The following RNF216 variants were observed in gnomAD, a reference collection of about 807,000 sequenced individuals.
RNF216 encodes ring finger protein 216.
In RNF216, 72 loss-of-function variants were observed where a neutral mutation model predicts 110.8. The ratio of observed to expected loss-of-function variants is 0.65; its 90% CI spans 0.54 to 0.79. RNF216 has a LOEUF of 0.79. Among genes scored for constraint, RNF216 ranks in the 30% least tolerant of loss-of-function variants. RNF216 has a pLI of 0.00. For synonymous variants in RNF216, 495 were observed against 407.5 expected (o/e 1.21, Z -2.59); for missense variants, 1,342 against 1,141.2 (o/e 1.18, Z -2.54).
intron 13 of RNF216, among the ~76,000 whole-genome samples, chr7:5,679,979 T>C (rs1327482591): frequency 6.6e-6 from 1 of 152,196 alleles, no homozygotes; most frequent in Non-Finnish European, 1.5e-5. Context: ...TGGGAGTCTC[T>C]TGCTGGGATC....
chr7:5,623,981 C>A, intron 16 of RNF216, 75 bp downstream of exon 16: 1 of 1,312,072 alleles, frequency 7.6e-7, no homozygotes, highest in Non-Finnish European at 1.1e-6. Context: ...AGTGCCAGGA[C>A]ACTCAGGGAG....
intron 11 of RNF216, 76 bp downstream of exon 11, chr7:5,714,977 A>T: frequency 7.1e-7 from 1 of 1,400,174 alleles, no homozygotes; most frequent in Non-Finnish European, 9.7e-7. Flanking sequence ...AGGCACTTAC[A>T]CTTATCTATC....
In RNF216 at chr7:5,621,980, TCTCC is replaced by T. The variant is rs1013338606; in HGVS notation, c.*876_*879del. 1 of 151,612 alleles carries T rather than the reference TCTCC, an allele frequency of 6.6e-6. No individual in the cohort carries two copies. The highest frequency in any genetic ancestry group is 6.6e-5 in the Admixed American group (1 of 15,184). 9.4% of individuals were successfully genotyped at this position (151,612 alleles called of 1,614,324 possible). On this transcript the variant is annotated 3_prime_UTR_variant, in exon 17 of 17. Transcript: ENST00000389902. ...CAGGGGTGGCACCCAGGGTCACCTG[TCTCC>T]CTAAGGAGGCCCACTCCTCCCCCAG...
chr7:5,655,344 CTG>C (rs1299586674), intron 13 of RNF216, among the ~76,000 whole-genome samples: 1 of 152,162 alleles, frequency 6.6e-6, no homozygotes, highest in Non-Finnish European at 1.5e-5. Context: ...TTTGAAAAGA[CTG>C]TAGCACTTTG....
rs1427122406 is a variant in RNF216, at chr7:5,741,271, A to C, written c.746T>G (p.Val249Gly). The change falls in exon 4 of 17, where the codon GTC becomes GGC. Residue 249 changes from valine to glycine, a missense_variant. Transcript: ENST00000389902. ...TTCAGGCTGCCGTTCCTGAGGAACG[A>C]CCTGGTTTGTTATTTCACGGGGCTG... Reference protein sequence around the residue: ...NQQPREITNQVVPQERQPEAE... With the variant: ...NQQPREITNQGVPQERQPEAE... The C allele has an allele frequency of 8.7e-6, 14 of 1,613,940 alleles. No individual in the cohort carries two copies. The highest frequency in any genetic ancestry group is 1.3e-5 in the African/African-American group (1 of 74,902).
chr7:5,663,120 C>G (rs1473887262), intron 13 of RNF216, among the ~76,000 whole-genome samples: 1 of 152,198 alleles, frequency 6.6e-6, no homozygotes, highest in Admixed American at 6.5e-5. Flanking sequence ...CACTGGGCTC[C>G]CACAGCACTT....
At chr7:5,682,092 C>A (rs1287447789) in intron 13 of RNF216, among the ~76,000 whole-genome samples, 1 of 152,224 alleles carries the variant, frequency 6.6e-6, no homozygotes, top group Non-Finnish European at 1.5e-5. Context: ...CCTGTCCACT[C>A]AGCAGACACA....
intron 14 of RNF216, among the ~76,000 whole-genome samples, chr7:5,646,001 T>G (rs1477179375): frequency 6.6e-6 from 1 of 152,240 alleles, no homozygotes; most frequent in East Asian, 1.9e-4. Flanking sequence ...TTAAGACAGC[T>G]GATTCAAAGC....
chr7:5,669,359 C>T (rs1276271190), intron 13 of RNF216, among the ~76,000 whole-genome samples: 1 of 152,024 alleles, frequency 6.6e-6, no homozygotes, highest in African/African-American at 2.4e-5. Flanking sequence ...TTGCCACTGG[C>T]AATCACAGGG....
intron 2 of RNF216, among the ~76,000 whole-genome samples, chr7:5,756,428 C>G (rs1795647801): frequency 6.6e-6 from 1 of 152,160 alleles, no homozygotes; most frequent in Admixed American, 6.5e-5. Context: ...ATATTAACTA[C>G]TTAGCTCTTC....
chr7:5,700,026 A>G (rs574376213), intron 13 of RNF216, among the ~76,000 whole-genome samples: 1 of 152,358 alleles, frequency 6.6e-6, no homozygotes, highest in African/African-American at 2.4e-5. Flanking sequence ...CTTTGCTCTC[A>G]TCTTGCTCGA....
chr7:5,780,823 G>C (rs1393442081), intron 1 of RNF216, among the ~76,000 whole-genome samples: 2 of 152,204 alleles, frequency 1.3e-5, no homozygotes, highest in South Asian at 2.1e-4. Flanking sequence ...TGTCGGATTT[G>C]TCAGAAATTT....
rs1293803425 is a variant in RNF216 at position 5,753,035 on chromosome 7, C to T, written c.68-56G>A. 10 of 1,554,800 alleles carry T rather than the reference C, an allele frequency of 6.4e-6. No individual in the cohort carries two copies. The African/African-American group carries it at 1.2e-4, about 19-fold the overall frequency. On this transcript the variant is annotated intron_variant, in intron 2 of 16. Transcript: ENST00000389902. ...GAGGTTGGCACTATCACATCCAACTCTTTAAGTTTTTCCTGACAGGGGTAC... is the reference window on the plus strand; with the variant it reads ...GAGGTTGGCACTATCACATCCAACTTTTTAAGTTTTTCCTGACAGGGGTAC...
intron 13 of RNF216, among the ~76,000 whole-genome samples, chr7:5,691,354 G>C (rs1584459828): frequency 6.6e-6 from 1 of 152,228 alleles, no homozygotes; most frequent in East Asian, 1.9e-4. Flanking sequence ...AGTAATGTCA[G>C]TGTTCCTGTT....
intron 13 of RNF216, among the ~76,000 whole-genome samples, chr7:5,695,771 TC>T (rs1404868975): frequency 6.6e-6 from 1 of 152,220 alleles, no homozygotes; most frequent in African/African-American, 2.4e-5. Context: ...GTCAAACTGT[TC>T]CCTTATGTGT....
chr7:5,748,952 T>C (rs565366771), intron 3 of RNF216, among the ~76,000 whole-genome samples: 12 of 149,988 alleles, frequency 8.0e-5, no homozygotes, highest in African/African-American at 2.5e-4. Flanking sequence ...ATATGCGTTA[T>C]GTGTGTGTGG....
chr7:5,752,309 C>T (rs549414591), intron 3 of RNF216, among the ~76,000 whole-genome samples: 10 of 152,158 alleles, frequency 6.6e-5, no homozygotes, highest in African/African-American at 2.4e-4. Context: ...ATTCAAAATG[C>T]TTTCTGGCTG....
chr7:5,777,745 T>A (rs1473103396), intron 1 of RNF216: 1 of 152,234 alleles, frequency 6.6e-6, no homozygotes, highest in Non-Finnish European at 1.5e-5. Context: ...GATATAAATA[T>A]GCAAACAATT....
At chr7:5,706,622 A>G (rs958065658) in intron 13 of RNF216, among the ~76,000 whole-genome samples, 1 of 152,226 alleles carries the variant, frequency 6.6e-6, no homozygotes, top group African/African-American at 2.4e-5. Context: ...CTGTTGACGA[A>G]CATGTCAGTA....
Sources: allele counts gnomAD v4.1 joint callset (sites outside exome capture counted in the v4.1 genomes callset), GRCh38; gene constraint gnomAD v4.1.1; transcripts MANE v1.5; gene names NCBI Gene and HGNC (gene_info 2026-07-23, HGNC 2026-07-21).